AOPEP: variants seen among roughly 807,000 people sequenced by gnomAD.
AOPEP encodes the protein aminopeptidase O.
In AOPEP, 77 loss-of-function variants were observed where a neutral mutation model predicts 98.1. The observed-to-expected ratio is 0.78, with a 90% CI of 0.65 to 0.95. AOPEP has a LOEUF of 0.95. Ranked by LOEUF, AOPEP falls within the 40% of genes least tolerant of loss-of-function variation. The pLI, the probability that AOPEP is intolerant of heterozygous loss-of-function variation, is 0.00. For missense variants in AOPEP, 1,024 were observed against 1,024.7 expected, an observed-to-expected ratio of 1.00 and a Z score of 0.01; for synonymous variants, 346 against 365.3, an observed-to-expected ratio of 0.95 and a Z score of 0.60.
intron 13 of AOPEP, among the ~76,000 whole-genome samples, chr9:95,040,983 A>C (rs1164793692): frequency 6.6e-6 from 1 of 152,144 alleles, no homozygotes; most frequent in Non-Finnish European, 1.5e-5. Flanking sequence ...TAGAATACAT[A>C]ACATTGTGAA....
intron 5 of AOPEP, among the ~76,000 whole-genome samples, chr9:94,917,741 G>T (rs778318971): frequency 2.0e-5 from 3 of 152,088 alleles, no homozygotes; most frequent in Non-Finnish European, 4.4e-5. Context: ...CTTGTCTTCT[G>T]CATCCTTCCC....
At chr9:94,848,579 G>A (rs897941401) in intron 5 of AOPEP, among the ~76,000 whole-genome samples, 3 of 150,536 alleles carry the variant, frequency 2.0e-5, no homozygotes, top group Admixed American at 6.6e-5. Flanking sequence ...CCAAGATCAC[G>A]CCACTGCACC....
chr9:94,783,174 T>G (rs2133208456), intron 3 of AOPEP, among the ~76,000 whole-genome samples: 1 of 152,340 alleles, frequency 6.6e-6, no homozygotes, highest in South Asian at 2.1e-4. Flanking sequence ...CATATTCCTT[T>G]AGGTATCCCG....
chr9:94,858,095 A>C (rs965382920), intron 5 of AOPEP, among the ~76,000 whole-genome samples: 1 of 152,158 alleles, frequency 6.6e-6, no homozygotes, highest in African/African-American at 2.4e-5. Flanking sequence ...AAAAAAAAAA[A>C]AACAAAAACA....
At chr9:95,045,758 T>C (rs1030899901) in intron 13 of AOPEP, among the ~76,000 whole-genome samples, 1 of 152,204 alleles carries the variant, frequency 6.6e-6, no homozygotes, top group Non-Finnish European at 1.5e-5. Flanking sequence ...ACAGAGGTGC[T>C]CCAGGGACAG....
intron 14 of AOPEP, among the ~76,000 whole-genome samples, chr9:95,073,523 G>C (rs1176068189): frequency 6.6e-6 from 1 of 150,418 alleles, no homozygotes; most frequent in Non-Finnish European, 1.5e-5. Context: ...GGGGGCTCCC[G>C]CCTGTAATCC....
intron 5 of AOPEP, among the ~76,000 whole-genome samples, chr9:94,842,809 A>C (rs886645422): frequency 6.6e-6 from 1 of 152,218 alleles, no homozygotes; most frequent in Admixed American, 6.5e-5. Context: ...AAAATAAAAA[A>C]TAAAAACATT....
chr9:94,913,621 C>T (rs1410346602), intron 5 of AOPEP, among the ~76,000 whole-genome samples: 2 of 152,162 alleles, frequency 1.3e-5, no homozygotes, highest in East Asian at 3.9e-4. Flanking sequence ...TTAAGAGAGA[C>T]ATTTACTTTT....
At chr9:94,934,849 C>G (rs1043290270) in intron 7 of AOPEP, 1 of 152,500 alleles carries the variant, frequency 6.6e-6, no homozygotes, top group Non-Finnish European at 1.5e-5. Context: ...GTCTTCAGAG[C>G]TGATCTTCCT....
intron 1 of AOPEP, among the ~76,000 whole-genome samples, chr9:94,734,304 A>G (rs1831249478): frequency 6.6e-6 from 1 of 152,138 alleles, no homozygotes; most frequent in African/African-American, 2.4e-5. Flanking sequence ...TTCCTGTTAT[A>G]GGAAGTATAA....
intron 13 of AOPEP, among the ~76,000 whole-genome samples, chr9:95,007,291 G>A (rs1352623499): frequency 4.6e-5 from 7 of 151,814 alleles, no homozygotes. Context: ...TGGATTACTA[G>A]ATGTTGTCAC....
At chr9:94,790,628 G>C (rs748570705) in intron 3 of AOPEP, among the ~76,000 whole-genome samples, 13 of 151,978 alleles carry the variant, frequency 8.6e-5, no homozygotes, top group Non-Finnish European at 1.8e-4. Context: ...TCTCTTCATG[G>C]CTTCCAGACT....
the AOPEP span, among the ~76,000 whole-genome samples, chr9:95,122,678 A>T: frequency 1.3e-5 from 2 of 152,208 alleles, no homozygotes; most frequent in Non-Finnish European, 2.9e-5. Context: ...GCCAACATAG[A>T]GGCTGAGGGT....
the AOPEP span, chr9:95,110,314 T>C: frequency 4.9e-6 from 5 of 1,015,538 alleles, no homozygotes; most frequent in African/African-American, 8.6e-5. Context: ...TGAACACATA[T>C]CTACCAACTT....
chr9:94,907,063 C>T (rs1564359918), intron 5 of AOPEP, among the ~76,000 whole-genome samples: 1 of 152,094 alleles, frequency 6.6e-6, no homozygotes, highest in Non-Finnish European at 1.5e-5. Flanking sequence ...GCCTTTGTTT[C>T]TCACCCGAAG....
intron 2 of AOPEP, among the ~76,000 whole-genome samples, chr9:94,761,521 TG>T (rs1159247883): frequency 6.6e-6 from 1 of 152,212 alleles, no homozygotes; most frequent in Non-Finnish European, 1.5e-5. Context: ...TTTATAGCGT[TG>T]TATTTCCTTA....
At chr9:94,907,146 GC>G (rs2051270989) in intron 5 of AOPEP, among the ~76,000 whole-genome samples, 1 of 152,162 alleles carries the variant, frequency 6.6e-6, no homozygotes, top group Non-Finnish European at 1.5e-5. Context: ...GATATGAAGG[GC>G]CCCTAGAAAT....
chr9:95,053,152 C>T (rs1055236286), intron 13 of AOPEP, among the ~76,000 whole-genome samples: 5 of 152,040 alleles, frequency 3.3e-5, no homozygotes, highest in African/African-American at 1.2e-4. Flanking sequence ...AAGTAGATCT[C>T]TCTTTTAAGT....
the AOPEP span, among the ~76,000 whole-genome samples, chr9:95,102,342 G>C: frequency 6.6e-6 from 1 of 152,190 alleles, no homozygotes; most frequent in African/African-American, 2.4e-5. Context: ...TTTTTAATAG[G>C]CCTCTAAGGT....
Sources: gnomAD v4.1 joint callset for allele counts (sites outside exome capture counted in the v4.1 genomes callset) on GRCh38, gnomAD v4.1.1 for gene constraint, MANE v1.5 for transcripts, NCBI Gene and HGNC (gene_info 2026-07-23, HGNC 2026-07-21) for gene names.